The following CDH13 variants were observed in gnomAD, a reference collection of about 807,000 sequenced individuals.
CDH13 encodes the protein cadherin 13, also known as cadherin-13.
In CDH13, 24 loss-of-function variants were observed where a neutral mutation model predicts 63.8. The ratio of observed to expected loss-of-function variants is 0.38; its 90% CI spans 0.27 to 0.53. The LOEUF (loss-of-function observed/expected upper bound fraction) is 0.53, where lower values mean the gene tolerates loss of function less well. CDH13 is among the 20% of genes least tolerant of loss of function. CDH13 has a pLI of 0.85. For missense variants in CDH13, 1,049 were observed against 903.1 expected, an observed-to-expected ratio of 1.16 and a Z score of -2.07; for synonymous variants, 503 against 355.3, an observed-to-expected ratio of 1.42 and a Z score of -4.67.
chr16:83,018,941 T>C (rs1915076206), intron 2 of CDH13, among the ~76,000 whole-genome samples: 1 of 152,156 alleles, frequency 6.6e-6, no homozygotes, highest in Non-Finnish European at 1.5e-5. Flanking sequence ...GGTGGTAGGA[T>C]TGGAAGATGC....
chr16:83,252,612 G>C (rs1235971506), intron 5 of CDH13, among the ~76,000 whole-genome samples: 4 of 152,132 alleles, frequency 2.6e-5, no homozygotes, highest in Non-Finnish European at 5.9e-5. Flanking sequence ...CTGGCCGTTG[G>C]TGTCTCAGCC....
chr16:83,214,579 C>T (rs1306310357), intron 4 of CDH13, among the ~76,000 whole-genome samples: 5 of 39,746 alleles, frequency 1.3e-4, no homozygotes, highest in African/African-American at 1.8e-4. Context: ...GACTCTGTCT[C>T]AAAAAAAAAA....
At chr16:83,286,923 T>C (rs2089331730) in intron 5 of CDH13, among the ~76,000 whole-genome samples, 2 of 152,010 alleles carry the variant, frequency 1.3e-5, no homozygotes, top group African/African-American at 4.8e-5. Flanking sequence ...ATTTGATTCC[T>C]ACTTGTCCCC....
chr16:83,697,595 T>C (rs1405858951), intron 10 of CDH13, among the ~76,000 whole-genome samples: 1 of 152,170 alleles, frequency 6.6e-6, no homozygotes, highest in African/African-American at 2.4e-5. Context: ...TATTGATGAG[T>C]TGACAAAAAT....
At chr16:83,102,949 T>TTTTTTTTTTTTTTTTTTTC (rs2034566968) in intron 3 of CDH13, among the ~76,000 whole-genome samples, 1 of 45,322 alleles carries the variant, frequency 2.2e-5, no homozygotes. Flanking sequence ...TTTCTTTTTC[T>TTTTTTTTTTTTTTTTTTTC]TTTTTTTTTT....
intron 4 of CDH13, among the ~76,000 whole-genome samples, chr16:83,183,244 G>A (rs569749286): frequency 5.9e-5 from 9 of 152,326 alleles, no homozygotes; most frequent in Admixed American, 3.3e-4. Flanking sequence ...AAGGTTTTAA[G>A]TATCGTTGAT....
At chr16:82,996,007 G>A (rs1912165955) in intron 2 of CDH13, among the ~76,000 whole-genome samples, 1 of 152,164 alleles carries the variant, frequency 6.6e-6, no homozygotes, top group Non-Finnish European at 1.5e-5. Context: ...GGATGAACTT[G>A]GAGAGTTGCC....
chr16:83,276,807 C>T (rs189102557), intron 5 of CDH13, among the ~76,000 whole-genome samples: 70 of 152,200 alleles, frequency 4.6e-4, no homozygotes, highest in African/African-American at 1.6e-3. Flanking sequence ...GGAGGTGGAG[C>T]CTACAGGAGC....
chr16:83,138,252 C>G (rs1158077181), intron 4 of CDH13, among the ~76,000 whole-genome samples: 1 of 152,092 alleles, frequency 6.6e-6, no homozygotes. Context: ...TACTGAGCAA[C>G]TACTATGTGT....
At chr16:83,214,190 C>G (rs1044959741) in intron 4 of CDH13, among the ~76,000 whole-genome samples, 5 of 152,016 alleles carry the variant, frequency 3.3e-5, no homozygotes, top group African/African-American at 1.2e-4. Context: ...ACCACAGTGA[C>G]AGAGAAGAGG....
intron 8 of CDH13, among the ~76,000 whole-genome samples, chr16:83,628,485 C>G (rs1325133718): frequency 1.3e-5 from 2 of 152,194 alleles, no homozygotes; most frequent in Admixed American, 1.3e-4. Context: ...ACCCTTTTAT[C>G]CATGTGATTT....
chr16:83,479,462 C>G (rs1187542467), intron 6 of CDH13, among the ~76,000 whole-genome samples: 2 of 152,108 alleles, frequency 1.3e-5, no homozygotes, highest in African/African-American at 2.4e-5. Context: ...CGAGACCATC[C>G]TGGCTAACAT....
chr16:83,253,238 T>A (rs1305947111), intron 5 of CDH13, among the ~76,000 whole-genome samples: 1 of 152,188 alleles, frequency 6.6e-6, no homozygotes, highest in Non-Finnish European at 1.5e-5. Context: ...GTAAAAGGCT[T>A]CCTATAAGAC....
intron 2 of CDH13, among the ~76,000 whole-genome samples, chr16:82,866,153 A>G (rs2040130283): frequency 1.3e-5 from 2 of 152,092 alleles, no homozygotes; most frequent in Admixed American, 6.6e-5. Context: ...TTCATCGTAC[A>G]TATTACTATC....
At chr16:82,658,890 G>C (rs950497296) in intron 1 of CDH13, among the ~76,000 whole-genome samples, 1 of 152,160 alleles carries the variant, frequency 6.6e-6, no homozygotes, top group Admixed American at 6.5e-5. Flanking sequence ...CTAGACACTT[G>C]ATATTCAGAT....
chr16:82,735,938 A>C (rs1462932414), intron 1 of CDH13, among the ~76,000 whole-genome samples: 1 of 152,218 alleles, frequency 6.6e-6, no homozygotes, highest in Non-Finnish European at 1.5e-5. Flanking sequence ...ACCAGACGCT[A>C]TACTCACTAG....
intron 6 of CDH13, among the ~76,000 whole-genome samples, chr16:83,423,823 C>T (rs551055712): frequency 1.4e-4 from 21 of 152,348 alleles, no homozygotes; most frequent in Non-Finnish European, 2.8e-4. Flanking sequence ...TCCTGCCAAT[C>T]TTTGGAACTT....
chr16:82,951,790 T>A (rs1392112772), intron 2 of CDH13, among the ~76,000 whole-genome samples: 1 of 152,164 alleles, frequency 6.6e-6, no homozygotes, highest in Non-Finnish European at 1.5e-5. Flanking sequence ...AGGACATAAA[T>A]TCACACACGG....
At chr16:83,183,123 T>C (rs1355605043) in intron 4 of CDH13, among the ~76,000 whole-genome samples, 1 of 152,306 alleles carries the variant, frequency 6.6e-6, no homozygotes, top group Middle Eastern at 3.4e-3. Context: ...GGAAGAAACA[T>C]TTAAGGGAAC....
Sources: allele counts gnomAD v4.1 joint callset (sites outside exome capture counted in the v4.1 genomes callset), GRCh38; gene constraint gnomAD v4.1.1; transcripts MANE v1.5; gene names NCBI Gene and HGNC (gene_info 2026-07-23, HGNC 2026-07-21).